Variants in NISCH observed in about 807,000 individuals in gnomAD.
NISCH encodes the protein nischarin.
A neutral mutation model predicts 138.4 loss-of-function variants in NISCH; 55 were observed. The ratio of observed to expected loss-of-function variants is 0.40; its 90% CI spans 0.32 to 0.50. The LOEUF (loss-of-function observed/expected upper bound fraction) is 0.50. NISCH is among the 20% of genes least tolerant of loss of function. The pLI, the probability that NISCH is intolerant of heterozygous loss-of-function variation, is 0.71. For missense variants in NISCH, 1,643 were observed against 2,005.5 expected, an observed-to-expected ratio of 0.82 and a Z score of 3.45; for synonymous variants, 860 against 861.5, an observed-to-expected ratio of 1.00 and a Z score of 0.03.
At chr3:52,467,328 A>G (rs1200468236) in intron 3 of NISCH, among the ~76,000 whole-genome samples, 1 of 152,098 alleles carries the variant, frequency 6.6e-6, no homozygotes, top group Non-Finnish European at 1.5e-5. Context: ...ATACATTTCA[A>G]TTCAGACATT....
chr3:52,480,082 C>A, intron 12 of NISCH, 102 bp from the exon 13 acceptor site: 2 of 1,310,982 alleles, frequency 1.5e-6, no homozygotes, highest in Non-Finnish European at 2.2e-6. Flanking sequence ...ATCTTTACCA[C>A]CCAGTTGGTG....
Position 52,487,805 on chromosome 3 carries a change from T to G in NISCH, c.2313T>G (p.Phe771Leu). Residue 771 changes from phenylalanine (F) to leucine (L), a missense_variant, in exon 16 of 21, where the codon TTT (phenylalanine) becomes TTG (leucine). By Grantham distance (22) the Phe-to-Leu change is conservative. Coordinates refer to ENST00000345716, the MANE Select transcript of NISCH (RefSeq NM_007184.4). This position sits in a 1 kb window ranked among gnomAD's most constrained non-coding sequence, Gnocchi z 9.1. Reference sequence around the variant, plus strand: ...TCCCGCATGGCGACCTCACCGAGTTTGGCTTCCTCATGCCGGAGCTGTGTC... The same window carrying G: ...TCCCGCATGGCGACCTCACCGAGTTGGGCTTCCTCATGCCGGAGCTGTGTC... ...FCFPHGDLTE[F>L]GFLMPELCLV... The G allele has an allele frequency of 6.2e-7, 1 of 1,613,516 alleles. No individual in the cohort carries two copies. Among genetic ancestry groups the G allele is most frequent in the Non-Finnish European group, 8.5e-7 (1 of 1,179,954 alleles).
At chr3:52,484,720 C>A in intron 14 of NISCH, 83 bp downstream of exon 14, 1 of 1,519,922 alleles carries the variant, frequency 6.6e-7, no homozygotes. Flanking sequence ...AGGAAGTGGC[C>A]TAGCTGGAGC....
At chr3:52,488,655 G>A (rs762833265) in intron 16 of NISCH, 50 bp downstream of exon 16, 3 of 1,432,564 alleles carry the variant, frequency 2.1e-6, no homozygotes, top group Admixed American at 2.1e-5. Flanking sequence ...GGTCTGGCAT[G>A]TGTGTGATCT....
chr3:52,479,327 G>A (rs1266173819), intron 11 of NISCH, among the ~76,000 whole-genome samples: 5 of 152,022 alleles, frequency 3.3e-5, no homozygotes, highest in East Asian at 1.9e-4. Context: ...CTCTCCTGCC[G>A]CTGGTTCCCC....
intron 13 of NISCH, chr3:52,484,252 A>G (rs1707350123): frequency 2.3e-6 from 1 of 429,854 alleles, no homozygotes; most frequent in South Asian, 4.1e-5. Flanking sequence ...ATGTAGTCAC[A>G]TCTCAGTTTT....
intron 3 of NISCH, among the ~76,000 whole-genome samples, chr3:52,464,635 G>A (rs557445606): frequency 1.4e-5 from 2 of 142,448 alleles, no homozygotes; most frequent in Non-Finnish European, 3.0e-5. Context: ...AGCGATTCTC[G>A]TGCCTCGGCC....
intron 7 of NISCH, among the ~76,000 whole-genome samples, chr3:52,474,988 C>G (rs1358815737): frequency 6.6e-6 from 1 of 152,132 alleles, no homozygotes; most frequent in Non-Finnish European, 1.5e-5. Context: ...TTACATCTTG[C>G]TAATGTTAAA....
intron 16 of NISCH, 25 bp downstream of exon 16, chr3:52,488,630 G>A (rs780073070): frequency 4.5e-6 from 7 of 1,570,278 alleles, no homozygotes; most frequent in Non-Finnish European, 6.1e-6. Context: ...AGCTCTCAGG[G>A]GCCCCGGGGG....
rs1477083708 is a variant in NISCH at position 52,478,169 on chromosome 3, C to G, written c.1060C>G (p.Leu354Val). 2 of 1,614,168 alleles carry G rather than the reference C, an allele frequency of 1.2e-6. No homozygotes were observed. Among genetic ancestry groups the G allele is most frequent in the South Asian group, 1.1e-5 (1 of 91,084 alleles). The change falls in exon 10 of 21, where the codon CTG (leucine) becomes GTG (valine). Residue 354 changes from leucine (L) to valine (V), a missense_variant. Physicochemically the swap from Leu to Val is conservative, Grantham distance 32. Coordinates refer to ENST00000345716, the MANE Select transcript of NISCH (RefSeq NM_007184.4). ...CTCCTTGGAAGGGCTTCACACCAAG[C>G]TGGGGAACATCAAGACCTTAAACCT... is the stretch of plus-strand genomic sequence containing the variant. The part of the protein sequence containing the change: ...LSSLEGLHTK[L>V]GNIKTLNLAG...
At position 52,476,531 on chromosome 3, in the gene NISCH, C is replaced by G. The variant is rs752794238; in HGVS notation, c.850C>G (p.Pro284Ala). 2.5e-6 allele frequency: 4 copies of G among 1,614,084 alleles called. No homozygotes were observed. The Admixed American group carries it at 6.7e-5, about 27-fold the overall frequency. The stretch of plus-strand genomic sequence containing the variant: ...AGAAGGCCCTGTGACTGCCGTCATC[C>G]CCACTTGGCAGGCATTGACCACGCT... ...TLEGPVTAVI[P>A]TWQALTTLDL... Residue 284 changes from proline to alanine, a missense_variant, in exon 8 of 21, where the codon CCC (proline) becomes GCC (alanine). Transcript: ENST00000345716.
At chr3:52,486,998 G>C (rs977780491) in intron 15 of NISCH, among the ~76,000 whole-genome samples, 198 bp from the exon 16 acceptor site, 1 of 152,208 alleles carries the variant, frequency 6.6e-6, no homozygotes, top group Non-Finnish European at 1.5e-5. Flanking sequence ...CCAAACTGGC[G>C]ACCCAGCCTT....
chr3:52,461,680 G>A (rs1706635832), intron 3 of NISCH, among the ~76,000 whole-genome samples: 2 of 152,012 alleles, frequency 1.3e-5, no homozygotes, highest in South Asian at 2.1e-4. Flanking sequence ...TGGCTAACAC[G>A]GTGAAACCCC....
intron 2 of NISCH, 82 bp from the exon 3 acceptor site, chr3:52,458,580 C>A: frequency 6.4e-6 from 8 of 1,241,424 alleles, no homozygotes; most frequent in Non-Finnish European, 7.9e-6. Flanking sequence ...TGACAAGCGC[C>A]TGCCCTCAAG....
chr3:52,484,779 C>A, intron 14 of NISCH, 142 bp downstream of exon 14: 2 of 833,916 alleles, frequency 2.4e-6, no homozygotes, highest in Non-Finnish European at 3.8e-6. Flanking sequence ...GTGCCACGGT[C>A]TTTCTCTTGG....
At chr3:52,481,708 T>G in intron 13 of NISCH, 1 of 985,540 alleles carries the variant, frequency 1.0e-6, no homozygotes, top group Non-Finnish European at 1.2e-6. Flanking sequence ...TGGGTGGGGA[T>G]GCACCATGTC....
intron 14 of NISCH, 51 bp from the exon 15 acceptor site, chr3:52,485,727 C>G (rs912728410): frequency 6.5e-6 from 10 of 1,549,642 alleles, no homozygotes; most frequent in Non-Finnish European, 8.7e-7. Context: ...CAGTAAATGG[C>G]TGGGGCTGGC....
intron 13 of NISCH, among the ~76,000 whole-genome samples, chr3:52,482,853 G>T (rs943316323): frequency 5.3e-5 from 8 of 152,308 alleles, no homozygotes; most frequent in Middle Eastern, 3.4e-3. Flanking sequence ...GATGAGGGCT[G>T]CCCTTTCCCA....
chr3:52,488,735 C>T (rs1359187083), intron 16 of NISCH, 130 bp downstream of exon 16: 2 of 749,106 alleles, frequency 2.7e-6, no homozygotes, highest in South Asian at 1.9e-5. Context: ...TGCCCCTCGC[C>T]CCCCCCGGGC....
Sources: allele counts gnomAD v4.1 joint callset (sites outside exome capture counted in the v4.1 genomes callset), GRCh38; gene constraint gnomAD v4.1.1; non-coding constraint Gnocchi (gnomAD v3.1); transcripts MANE v1.5; gene names NCBI Gene and HGNC (gene_info 2026-07-23, HGNC 2026-07-21).